SNX24: variants seen among roughly 807,000 people sequenced by gnomAD.
SNX24 encodes the protein sorting nexin-24.
In SNX24, 22 loss-of-function variants were observed where a neutral mutation model predicts 28.7. The observed-to-expected ratio is 0.77, with a 90% CI of 0.55 to 1.10. SNX24 has a LOEUF of 1.10. Ranked by LOEUF, SNX24 falls within the 50% of genes least tolerant of loss-of-function variation. SNX24 has a pLI of 0.00. For synonymous variants in SNX24, 69 were observed against 71.5 expected (o/e 0.96, Z 0.18); for missense variants, 221 against 201.1 (o/e 1.10, Z -0.60).
rs1759674972 is a variant in SNX24 at position 122,946,162 on chromosome 5, A to G, written c.249+3A>G. ...AAGGCTTGGAAACATACTTACAGGT[A>G]AGATATGTTTAGATCCTCATTTTAT... On this transcript the variant is annotated splice_donor_region_variant and intron_variant, in intron 3 of 6. Coordinates refer to ENST00000261369, the MANE Select transcript of SNX24 (RefSeq NM_014035.4). 6.5e-7 allele frequency: 1 copy of G among 1,544,924 alleles called. No homozygotes were observed.
chr5:122,902,630 A>G (rs566631797), intron 1 of SNX24, among the ~76,000 whole-genome samples: 1 of 152,264 alleles, frequency 6.6e-6, no homozygotes, highest in African/African-American at 2.4e-5. Flanking sequence ...CCTTACAGAC[A>G]AGGAACAGAA....
At chr5:122,919,066 A>C (rs1381053991) in intron 1 of SNX24, among the ~76,000 whole-genome samples, 1 of 152,248 alleles carries the variant, frequency 6.6e-6, no homozygotes, top group Non-Finnish European at 1.5e-5. Flanking sequence ...TGCCTTTAAT[A>C]ATTACATTTA....
chr5:122,891,806 G>A (rs1204277320), intron 1 of SNX24, among the ~76,000 whole-genome samples: 2 of 152,194 alleles, frequency 1.3e-5, no homozygotes, highest in Non-Finnish European at 2.9e-5. Context: ...GAAAATTAAT[G>A]TTTCTGTGAA....
intron 3 of SNX24, among the ~76,000 whole-genome samples, chr5:122,948,259 A>G (rs1169554065): frequency 6.6e-6 from 1 of 152,200 alleles, no homozygotes; most frequent in Non-Finnish European, 1.5e-5. Context: ...TCTCCTTAGA[A>G]GTAAGACAGC....
At chr5:122,946,730 G>A (rs528776441) in intron 3 of SNX24, among the ~76,000 whole-genome samples, 46 of 152,304 alleles carry the variant, frequency 3.0e-4, no homozygotes, top group African/African-American at 1.1e-3. Flanking sequence ...GTGAGAATAG[G>A]ACAAAGACCG....
intron 1 of SNX24, among the ~76,000 whole-genome samples, chr5:122,898,190 T>C (rs892490251): frequency 6.6e-6 from 1 of 152,256 alleles, no homozygotes; most frequent in Non-Finnish European, 1.5e-5. Flanking sequence ...TCATGATGAC[T>C]GAGTGTGCCC....
At chr5:122,963,778 A>C (rs1760584899) in intron 3 of SNX24, among the ~76,000 whole-genome samples, 1 of 152,198 alleles carries the variant, frequency 6.6e-6, no homozygotes, top group South Asian at 2.1e-4. Flanking sequence ...TGTACTTTCT[A>C]ATGTAAGTAG....
At chr5:123,010,836 T>A (rs2150183570), downstream of SNX24, among the ~76,000 whole-genome samples, 1 of 148,628 alleles carries the variant, frequency 6.7e-6, no homozygotes, top group African/African-American at 2.4e-5. Context: ...TAGCACGCAA[T>A]ACCCATTGCT....
intron 5 of SNX24, among the ~76,000 whole-genome samples, chr5:123,017,282 C>T (rs1386563531): frequency 6.6e-6 from 1 of 152,046 alleles, no homozygotes; most frequent in East Asian, 1.9e-4. Flanking sequence ...GAGGGTGGTT[C>T]CTTCTCACCT....
chr5:122,929,043 T>G (rs1418907860), intron 1 of SNX24, among the ~76,000 whole-genome samples: 1 of 152,130 alleles, frequency 6.6e-6, no homozygotes, highest in East Asian at 2.0e-4. Flanking sequence ...TAAGGTCTGT[T>G]AGGGGTTTTT....
At chr5:122,847,592 C>T (rs559835828) in intron 1 of SNX24, among the ~76,000 whole-genome samples, 6 of 150,520 alleles carry the variant, frequency 4.0e-5, no homozygotes, top group Non-Finnish European at 7.4e-5. Flanking sequence ...CTCCTGGGCT[C>T]ATGTAATCCT....
chr5:122,862,875 T>C (rs1755537806), intron 1 of SNX24, among the ~76,000 whole-genome samples: 1 of 151,908 alleles, frequency 6.6e-6, no homozygotes, highest in Non-Finnish European at 1.5e-5. Flanking sequence ...GAAACAACCT[T>C]CCCACTTTTT....
At chr5:122,847,955 G>T (rs1016292348) in intron 1 of SNX24, among the ~76,000 whole-genome samples, 1 of 151,888 alleles carries the variant, frequency 6.6e-6, no homozygotes, top group Non-Finnish European at 1.5e-5. Flanking sequence ...TGGGTGTAGG[G>T]AATATAGCAG....
intron 1 of SNX24, among the ~76,000 whole-genome samples, chr5:122,887,273 CTGT>C (rs1411298917): frequency 6.6e-6 from 1 of 152,142 alleles, no homozygotes; most frequent in Non-Finnish European, 1.5e-5. Flanking sequence ...TTTTTGGCAT[CTGT>C]TGTTGCTGGT....
At chr5:122,860,686 T>A (rs1755420414) in intron 1 of SNX24, among the ~76,000 whole-genome samples, 1 of 152,176 alleles carries the variant, frequency 6.6e-6, no homozygotes, top group Non-Finnish European at 1.5e-5. Context: ...AAGCTCTGCC[T>A]CCCGGGTTCA....
chr5:123,025,170 T>C (rs1380120935), intron 5 of SNX24, among the ~76,000 whole-genome samples: 1 of 152,220 alleles, frequency 6.6e-6, no homozygotes, highest in Non-Finnish European at 1.5e-5. Flanking sequence ...ATACATAACA[T>C]AAAATGTGCC....
At chr5:123,001,300 C>T (rs1762236107) in intron 4 of SNX24, 105 bp from the exon 5 acceptor site, 3 of 744,282 alleles carry the variant, frequency 4.0e-6, no homozygotes, top group Non-Finnish European at 7.0e-6. Context: ...AAAATAACTA[C>T]CAATTCAGTC....
At chr5:122,924,327 A>G (rs1758577015) in intron 1 of SNX24, among the ~76,000 whole-genome samples, 1 of 152,226 alleles carries the variant, frequency 6.6e-6, no homozygotes, top group East Asian at 1.9e-4. Flanking sequence ...TCAAATAAGA[A>G]TTCCTTGAAC....
chr5:122,902,893 A>G (rs1211300092), intron 1 of SNX24, among the ~76,000 whole-genome samples: 1 of 152,140 alleles, frequency 6.6e-6, no homozygotes, highest in Non-Finnish European at 1.5e-5. Flanking sequence ...TTCAACTCAT[A>G]TTAGTCTGCC....
Sources: allele counts gnomAD v4.1 joint callset (sites outside exome capture counted in the v4.1 genomes callset), GRCh38; gene constraint gnomAD v4.1.1; transcripts MANE v1.5; gene names NCBI Gene and HGNC (gene_info 2026-07-23, HGNC 2026-07-21).